EPYC: variants seen among roughly 807,000 people sequenced by gnomAD.
The protein encoded by EPYC is epiphycan, also known as dermatan sulfate proteoglycan 3.
Under a neutral mutation model 30.1 loss-of-function variants are expected in EPYC, and 28 were observed. The observed-to-expected ratio is 0.93, with a 90% CI of 0.69 to 1.28. The LOEUF (loss-of-function observed/expected upper bound fraction) is 1.28, where lower values mean the gene tolerates loss of function less well. EPYC is among the 50% of genes most tolerant of loss of function. The pLI is 0.00. For missense variants in EPYC, 382 were observed against 383.5 expected (o/e 1.00, Z 0.03); for synonymous variants, 144 against 141.4 (o/e 1.02, Z -0.13).
intron 2 of EPYC, among the ~76,000 whole-genome samples, chr12:90,986,921 TC>T (rs1004166794): frequency 9.9e-5 from 15 of 152,266 alleles, no homozygotes; most frequent in African/African-American, 3.4e-4. Context: ...TTCTTTTTTT[TC>T]CCCATTATAC....
At chr12:90,989,647 G>C (rs921567815) in intron 2 of EPYC, among the ~76,000 whole-genome samples, 1 of 151,930 alleles carries the variant, frequency 6.6e-6, no homozygotes, top group African/African-American at 2.4e-5. Flanking sequence ...TGATTTTACA[G>C]TTTCATTTAA....
At chr12:90,967,028 A>C (rs1023510876) in intron 6 of EPYC, among the ~76,000 whole-genome samples, 1 of 152,088 alleles carries the variant, frequency 6.6e-6, no homozygotes, top group African/African-American at 2.4e-5. Context: ...CATCAGCTAA[A>C]AATATGTCAA....
At chr12:90,995,789 A>G (rs2120861806) in intron 2 of EPYC, among the ~76,000 whole-genome samples, 1 of 151,916 alleles carries the variant, frequency 6.6e-6, no homozygotes, top group East Asian at 1.9e-4. Context: ...GTAGCTTAGG[A>G]TGAGAATTAA....
At chr12:90,996,711 A>T (rs1877700161) in intron 2 of EPYC, among the ~76,000 whole-genome samples, 1 of 152,040 alleles carries the variant, frequency 6.6e-6, no homozygotes, top group South Asian at 2.1e-4. Flanking sequence ...TCCATGGAAG[A>T]GAATTTGCCT....
intron 6 of EPYC, 64 bp downstream of exon 6, chr12:90,969,980 T>C: frequency 8.8e-7 from 1 of 1,137,866 alleles, no homozygotes; most frequent in Non-Finnish European, 1.3e-6. Context: ...TCTTGTGTCC[T>C]GATGTCCTTT....
intron 2 of EPYC, among the ~76,000 whole-genome samples, chr12:90,983,745 G>A (rs1877380747): frequency 6.6e-6 from 1 of 152,026 alleles, no homozygotes; most frequent in Admixed American, 6.6e-5. Flanking sequence ...CTTCTCTGAG[G>A]CTAGTCCTGC....
intron 2 of EPYC, among the ~76,000 whole-genome samples, chr12:90,995,980 G>A (rs1300235464): frequency 6.6e-6 from 1 of 151,778 alleles, no homozygotes; most frequent in Non-Finnish European, 1.5e-5. Flanking sequence ...TCGTGTTAAA[G>A]TTTCTTCTTC....
chr12:90,966,984 G>A (rs1876913140), intron 6 of EPYC, among the ~76,000 whole-genome samples: 1 of 151,884 alleles, frequency 6.6e-6, no homozygotes, highest in East Asian at 1.9e-4. Flanking sequence ...TCTTATTCCT[G>A]ATTTTAGTAA....
Position 90,981,283 on chromosome 12 carries a change from C to A in EPYC, c.166-3021G>T, listed in dbSNP as rs374030779. Reference sequence around the variant, plus strand: ...ATGTAAGCAACATATCACCTCAACCCAATCTCAGGGTAAAAGCGGTTGAAG... The same window carrying A: ...ATGTAAGCAACATATCACCTCAACCAAATCTCAGGGTAAAAGCGGTTGAAG... On this transcript the variant is annotated intron_variant, in intron 2 of 6. Coordinates refer to ENST00000261172, the MANE Select transcript of EPYC (RefSeq NM_004950.5). 3.9e-4 allele frequency among the ~76,000 whole-genome samples: 59 copies of A among 152,240 alleles called. No homozygotes were observed. The East Asian group carries it at 9.9e-3, about 25-fold the overall frequency.
intron 2 of EPYC, among the ~76,000 whole-genome samples, chr12:90,978,818 G>T (rs1877257535): frequency 6.6e-6 from 1 of 151,960 alleles, no homozygotes; most frequent in Non-Finnish European, 1.5e-5. Context: ...TTACTGAAAA[G>T]TATCCTTTAT....
intron 2 of EPYC, among the ~76,000 whole-genome samples, chr12:90,985,114 CA>C (rs1199374604): frequency 1.3e-5 from 2 of 152,094 alleles, no homozygotes; most frequent in African/African-American, 4.8e-5. Context: ...TACTGGTCAG[CA>C]AGCTGTCCCC....
intron 6 of EPYC, 82 bp from the exon 7 acceptor site, chr12:90,964,408 CTT>C (rs1439117172): frequency 1.0e-6 from 1 of 974,640 alleles, no homozygotes; most frequent in East Asian, 2.7e-5. Context: ...GTGCTTCACC[CTT>C]GTTTTTATTC....
At position 90,997,628 on chromosome 12, in the gene EPYC, T is replaced by C. The variant is rs1477270742; in HGVS notation, c.165+4773A>G. Among the ~76,000 whole-genome samples the C allele has an allele frequency of 2.0e-5, 3 of 152,148 alleles. No homozygotes were observed. The East Asian group carries it at 5.8e-4, about 29-fold the overall frequency. ...TCAACTTTTGAACAATGCAGTTTTC[T>C]GATGAACCCTTTAAGGCACATGGAA... is the stretch of plus-strand genomic sequence containing the variant. On this transcript the variant is annotated intron_variant, in intron 2 of 6. Coordinates refer to ENST00000261172, the MANE Select transcript of EPYC (RefSeq NM_004950.5).
chr12:90,978,270 A>C lies in EPYC; in HGVS notation c.166-8T>G. On this transcript the variant is annotated splice_region_variant and splice_polypyrimidine_tract_variant and intron_variant, in intron 2 of 6. Coordinates refer to ENST00000261172, the MANE Select transcript of EPYC (RefSeq NM_004950.5). ...CACTGTGGCTATTTCAATCTGAAAA[A>C]AAAAAAAAAAAGAGAATTTCTTCAG... 1 of 1,555,948 alleles carries C rather than the reference A, an allele frequency of 6.4e-7. No homozygotes were observed. Among genetic ancestry groups the C allele is most frequent in the African/African-American group, 1.4e-5 (1 of 71,224 alleles).
At chr12:90,981,685 G>C (rs1250471819) in intron 2 of EPYC, among the ~76,000 whole-genome samples, 4 of 151,972 alleles carry the variant, frequency 2.6e-5, no homozygotes, top group Non-Finnish European at 5.9e-5. Flanking sequence ...AAAAACTGGT[G>C]TGTTCAGAAA....
At chr12:91,002,777 C>A (rs557852182) in intron 1 of EPYC, among the ~76,000 whole-genome samples, 199 bp from the exon 2 acceptor site, 1 of 152,106 alleles carries the variant, frequency 6.6e-6, no homozygotes, top group South Asian at 2.1e-4. Flanking sequence ...AATTAATTCA[C>A]AAACCTGTCT....
chr12:90,972,060 A>G (rs1375885178), intron 4 of EPYC, 58 bp from the exon 5 acceptor site: 9 of 1,057,516 alleles, frequency 8.5e-6, no homozygotes, highest in Admixed American at 6.2e-5. Context: ...ACATAAAAAT[A>G]TAAATGTAAT....
chr12:90,975,189 C>T (rs1877152345), intron 3 of EPYC, among the ~76,000 whole-genome samples: 1 of 151,986 alleles, frequency 6.6e-6, no homozygotes, highest in Non-Finnish European at 1.5e-5. Flanking sequence ...CTAATTTCTC[C>T]AATCATTATA....
chr12:90,968,495 G>A (rs1340401782), intron 6 of EPYC, among the ~76,000 whole-genome samples: 6 of 152,066 alleles, frequency 3.9e-5, no homozygotes, highest in African/African-American at 1.2e-4. Flanking sequence ...GAATAAAAAA[G>A]GGGATTTATT....
Sources: gnomAD v4.1 joint callset for allele counts (sites outside exome capture counted in the v4.1 genomes callset) on GRCh38, gnomAD v4.1.1 for gene constraint, MANE v1.5 for transcripts, NCBI Gene and HGNC (gene_info 2026-07-23, HGNC 2026-07-21) for gene names.